Variants in LRRD1 observed in about 807,000 individuals in gnomAD.
The protein encoded by LRRD1 is leucine rich repeats and death domain containing 1.
LRRD1 carries 49 observed loss-of-function variants against 69.5 expected under a neutral mutation model. The ratio of observed to expected loss-of-function variants is 0.70; its 90% confidence interval spans 0.56 to 0.89. The LOEUF is 0.89. Ranked by LOEUF, LRRD1 falls within the 40% of genes least tolerant of loss-of-function variation. The pLI is 0.00. For synonymous variants in LRRD1, 303 were observed against 338.9 expected, an observed-to-expected ratio of 0.89 and a Z score of 1.16; for missense variants, 853 against 956.0, an observed-to-expected ratio of 0.89 and a Z score of 1.42.
chr7:92,145,595 A>ATGCC (rs1820303367), intron 5 of LRRD1, among the ~76,000 whole-genome samples: 2 of 151,952 alleles, frequency 1.3e-5, no homozygotes, highest in Non-Finnish European at 2.9e-5. Flanking sequence ...GCCCACCACC[A>ATGCC]CACCGGGCTA....
In LRRD1 at chr7:92,164,749, C is replaced by G. The variant is rs1406371624; in HGVS notation, c.454G>C (p.Gly152Arg). 1 of 1,550,932 alleles carries G rather than the reference C, an allele frequency of 6.4e-7. No individual in the cohort carries two copies. Among genetic ancestry groups the G allele is most frequent in the Non-Finnish European group, 8.7e-7 (1 of 1,146,778 alleles). ...DNFTVNLEAKGLQEFPKDILK... is the reference protein window; with the variant it reads ...DNFTVNLEAKRLQEFPKDILK... ...ATGTCCTTAGGAAATTCCTGTAAAC[C>G]CTTGGCCTCAAGGTTAACTGTAAAG... The change falls in exon 2 of 6, where the codon GGT becomes CGT. Residue 152 changes from glycine (G) to arginine (R), a missense_variant. Transcript: ENST00000458448.
At chr7:92,175,466 G>A (rs1789171791) in intron 1 of LRRD1, among the ~76,000 whole-genome samples, 1 of 152,112 alleles carries the variant, frequency 6.6e-6, no homozygotes, top group Non-Finnish European at 1.5e-5. Context: ...TGACCATCAT[G>A]GTGAAACTCT....
chr7:92,163,450 C>A lies in LRRD1; in HGVS notation c.1753G>T (p.Asp585Tyr). ...LCTLENLQVL[D>Y]LSENQLQKIS... ...TTCTGTAATTGGTTTTCCGAAAGAT[C>A]AAGTACTTGCAAATTTTCTAAAGTA... Residue 585 changes from aspartate (D) to tyrosine (Y), a missense_variant, in exon 2 of 6, where the codon GAT becomes TAT. Physicochemically the swap from Asp to Tyr is radical, Grantham distance 160. Coordinates refer to ENST00000458448, the MANE Select transcript of LRRD1 (RefSeq NM_001161528.2). The A allele has an allele frequency of 6.5e-7, 1 of 1,541,294 alleles. No homozygotes were observed. Among genetic ancestry groups the A allele is most frequent in the South Asian group, 1.2e-5 (1 of 82,504 alleles).
At chr7:92,142,582 A>G, downstream of LRRD1, 1 of 454,088 alleles carries the variant, frequency 2.2e-6, no homozygotes, top group South Asian at 1.6e-5. Flanking sequence ...CACTGACTTC[A>G]AGTATGAAGC....
intron 2 of LRRD1, among the ~76,000 whole-genome samples, chr7:92,161,205 A>C (rs985404382): frequency 6.6e-6 from 1 of 152,242 alleles, no homozygotes; most frequent in African/African-American, 2.4e-5. Context: ...GATTAATCTG[A>C]CTTTTCTTCA....
chr7:92,173,416 C>G lies in LRRD1; in HGVS notation c.-75+5591G>C, dbSNP rs181922821. On this transcript the variant is annotated intron_variant, in intron 1 of 5. Transcript: ENST00000458448. ...CAACAAAGTGAAGAGACAGCCCACA[C>G]AGAATGTGAGAAAATATTTGCAAAC... is the stretch of plus-strand genomic sequence containing the variant. 1.6e-3 allele frequency among the ~76,000 whole-genome samples: 244 copies of G among 152,282 alleles called. 1 individual carries two copies. The highest frequency in any genetic ancestry group is 5.5e-3 in the African/African-American group (227 of 41,570).
downstream of LRRD1, among the ~76,000 whole-genome samples, chr7:92,144,628 C>CAAAA (rs61338977): frequency 2.3e-5 from 2 of 85,854 alleles, no homozygotes; most frequent in Non-Finnish European, 4.7e-5. Flanking sequence ...AACTCCATCT[C>CAAAA]AAAAAAAAAA....
chr7:92,146,462 TA>T (rs1394707165), intron 4 of LRRD1, among the ~76,000 whole-genome samples: 1 of 147,164 alleles, frequency 6.8e-6, no homozygotes, highest in African/African-American at 2.5e-5. Flanking sequence ...AATAACAATA[TA>T]AAAATTAGCC....
chr7:92,160,350 AGGGAACAGAAT>A (rs748071481), intron 2 of LRRD1, among the ~76,000 whole-genome samples: 29 of 152,226 alleles, frequency 1.9e-4, no homozygotes, highest in Non-Finnish European at 2.8e-4. Flanking sequence ...ATTTTATTTT[AGGGAACAGAAT>A]ATATCCTATG....
chr7:92,147,357 C>CTG (rs560480563), intron 4 of LRRD1, among the ~76,000 whole-genome samples: 410 of 152,264 alleles, frequency 2.7e-3, no homozygotes, highest in East Asian at 4.5e-3. Context: ...CATGAGTCAC[C>CTG]ACACTGGGCC....
chr7:92,168,819 A>T (rs959282335), intron 1 of LRRD1, among the ~76,000 whole-genome samples: 8 of 152,208 alleles, frequency 5.3e-5, no homozygotes, highest in Non-Finnish European at 2.9e-5. Flanking sequence ...GCAATCAGGG[A>T]TCCATGATGT....
At chr7:92,151,082 A>T (rs1820454833) in intron 3 of LRRD1, among the ~76,000 whole-genome samples, 1 of 152,218 alleles carries the variant, frequency 6.6e-6, no homozygotes, top group African/African-American at 2.4e-5. Context: ...TAATGTTATC[A>T]CATTATCATA....
In LRRD1 at chr7:92,163,817, G is replaced by GT. The variant is rs1405745011; in HGVS notation, c.1385dup (p.Asn462LysfsTer7). 6.7e-7 allele frequency: 1 copy of GT among 1,497,974 alleles called. No individual in the cohort carries two copies. Among genetic ancestry groups the GT allele is most frequent in the Non-Finnish European group, 8.9e-7 (1 of 1,128,562 alleles). The allele number at this position is 1,497,974 out of a possible 1,614,324, so 92.8% of individuals were successfully genotyped here. On this transcript the variant is annotated frameshift_variant, in exon 2 of 6. Coordinates refer to ENST00000458448, the MANE Select transcript of LRRD1 (RefSeq NM_001161528.2). LOFTEE classifies it high-confidence loss of function. ...ATTCAATTTTAATTATTTTTTGGCA[G>GT]TTTTTTATTTCAATGGGAACATCTG...
chr7:92,176,970 A>G (rs893891023), intron 1 of LRRD1, among the ~76,000 whole-genome samples: 4 of 148,752 alleles, frequency 2.7e-5, no homozygotes, highest in Non-Finnish European at 4.5e-5. Flanking sequence ...ATAAAACAAG[A>G]ATATATTACT....
In LRRD1 at chr7:92,159,053, G is replaced by A; in HGVS notation, c.2068C>T (p.Pro690Ser). The A allele has an allele frequency of 6.5e-7, 1 of 1,545,966 alleles. No homozygotes were observed. The highest frequency in any genetic ancestry group is 8.7e-7 in the Non-Finnish European group (1 of 1,145,350). Residue 690 changes from proline (P) to serine (S), a missense_variant, in exon 3 of 6, where the codon CCA becomes TCA. Pro to Ser is a moderately conservative substitution (Grantham distance 74, BLOSUM62 -1). Transcript: ENST00000458448. ...TCATTTAAAGATAGCAAAGATGGTG[G>A]AAGATAACTTATTTGATTATTGTAT... is the stretch of plus-strand genomic sequence containing the variant. Reference protein sequence around the residue: ...HAYNNQISYLPPSLLSLNDLQ... With the variant: ...HAYNNQISYLSPSLLSLNDLQ...
chr7:92,171,485 A>G (rs1789055681), intron 1 of LRRD1, among the ~76,000 whole-genome samples: 1 of 152,210 alleles, frequency 6.6e-6, no homozygotes, highest in Non-Finnish European at 1.5e-5. Flanking sequence ...GAAGAAATAG[A>G]ACACTTCAAC....
At chr7:92,142,593 C>G, downstream of LRRD1, 1 of 449,876 alleles carries the variant, frequency 2.2e-6, no homozygotes, top group South Asian at 1.6e-5. Flanking sequence ...AGTATGAAGC[C>G]GACCCTCACG....
chr7:92,160,345 ATT>A (rs779046593), intron 2 of LRRD1, among the ~76,000 whole-genome samples: 29 of 152,236 alleles, frequency 1.9e-4, no homozygotes, highest in Non-Finnish European at 2.8e-4. Flanking sequence ...ATTAAATTTT[ATT>A]TTAGGGAACA....
chr7:92,164,097 T>C lies in LRRD1; in HGVS notation c.1106A>G (p.Glu369Gly). 6.5e-7 allele frequency: 1 copy of C among 1,548,734 alleles called. No homozygotes were observed. Among genetic ancestry groups the C allele is most frequent in the Non-Finnish European group, 8.7e-7 (1 of 1,145,806 alleles). ...NKLEVISHKI[E>G]NFRELRILIL... ...AAGAATCCTAAGTTCCCTGAAATTC[T>C]CAATTTTGTGTGAAATAACTTCCAA... is the stretch of plus-strand genomic sequence containing the variant. The change falls in exon 2 of 6, where the codon GAG becomes GGG. Residue 369 changes from glutamate to glycine, a missense_variant. Physicochemically the swap from Glu to Gly is moderately conservative, Grantham distance 98. This residue lies in a region of LRRD1 where 739 missense variants were observed against 808.0 expected (regional missense o/e 0.91). Coordinates refer to ENST00000458448, the MANE Select transcript of LRRD1 (RefSeq NM_001161528.2).
Sources: allele counts gnomAD v4.1 joint callset (sites outside exome capture counted in the v4.1 genomes callset), GRCh38; gene constraint gnomAD v4.1.1; regional missense constraint gnomAD v4.1.1; transcripts MANE v1.5; gene names NCBI Gene and HGNC (gene_info 2026-07-23, HGNC 2026-07-21).